Variants in SPTY2D1 observed in about 807,000 individuals in gnomAD.
SPTY2D1 encodes the protein SPT2 chromatin protein domain containing 1.
Under a neutral mutation model 64.0 loss-of-function variants are expected in SPTY2D1, and 21 were observed. That is an observed-to-expected ratio of 0.33 (90% CI 0.23 to 0.47). SPTY2D1 has a LOEUF of 0.47. Among genes scored for constraint, SPTY2D1 ranks in the 20% least tolerant of loss-of-function variants. The pLI is 1.00. For missense variants in SPTY2D1, 724 were observed against 837.2 expected, an observed-to-expected ratio of 0.86 and a Z score of 1.67; for synonymous variants, 287 against 286.8, an observed-to-expected ratio of 1.00 and a Z score of -0.01.
At chr11:18,632,674 C>T (rs1036376949) in intron 1 of SPTY2D1, among the ~76,000 whole-genome samples, 1 of 152,130 alleles carries the variant, frequency 6.6e-6, no homozygotes, top group African/African-American at 2.4e-5. Flanking sequence ...ACTTTTTTCC[C>T]CTTTTTGATT....
intron 1 of SPTY2D1, among the ~76,000 whole-genome samples, chr11:18,628,018 A>T (rs1290507647): frequency 1.3e-5 from 2 of 152,228 alleles, no homozygotes; most frequent in African/African-American, 4.8e-5. Flanking sequence ...ACTGGACTCC[A>T]GCCCAGGCGA....
chr11:18,630,711 G>A (rs1854573982), intron 1 of SPTY2D1, among the ~76,000 whole-genome samples: 1 of 152,234 alleles, frequency 6.6e-6, no homozygotes. Context: ...ATGCAGCCTA[G>A]TTAGTTATTG....
chr11:18,628,624 T>G (rs1290178710), intron 1 of SPTY2D1, among the ~76,000 whole-genome samples: 1 of 152,238 alleles, frequency 6.6e-6, no homozygotes, highest in East Asian at 1.9e-4. Flanking sequence ...GCTGTAGGAT[T>G]ATCTGTCTGC....
In SPTY2D1 at chr11:18,612,324, C is replaced by T. The variant is rs1327586328; in HGVS notation, c.1876G>A (p.Asp626Asn). 2 of 1,588,558 alleles carry T rather than the reference C, an allele frequency of 1.3e-6. No homozygotes were observed. The highest frequency in any genetic ancestry group is 1.7e-6 in the Non-Finnish European group (2 of 1,171,324). Reference sequence around the variant, plus strand: ...CTTCTTTAGTCTTACTTTTTTCGGTCATAACCAAAGATTTCTCTAATGTGC... The same window carrying T: ...CTTCTTTAGTCTTACTTTTTTCGGTTATAACCAAAGATTTCTCTAATGTGC... ...SKHIREIFGY[D>N]RKKYKDESDY... The change falls in exon 4 of 6, where the codon GAC (aspartate) becomes AAC (asparagine). Residue 626 changes from aspartate to asparagine, a missense_variant. Physicochemically the swap from Asp to Asn is conservative, Grantham distance 23. Coordinates refer to ENST00000336349, the MANE Select transcript of SPTY2D1 (RefSeq NM_194285.3). This position sits in a 1 kb window ranked among gnomAD's most constrained non-coding sequence, Gnocchi z 4.6.
At chr11:18,621,690 A>T (rs574684380) in intron 1 of SPTY2D1, among the ~76,000 whole-genome samples, 1 of 152,320 alleles carries the variant, frequency 6.6e-6, no homozygotes, top group South Asian at 2.1e-4. Flanking sequence ...AACAACTTAA[A>T]AAGCTAGCAG....
At chr11:18,610,138 T>C (rs1456806159) in intron 5 of SPTY2D1, 184 bp from the exon 6 acceptor site, 5 of 506,610 alleles carry the variant, frequency 9.9e-6, no homozygotes, top group Admixed American at 7.3e-5. Flanking sequence ...CAGACTCAAA[T>C]TGTCGTGGGA....
chr11:18,617,816 T>C (rs4237722), intron 1 of SPTY2D1, among the ~76,000 whole-genome samples: 99,164 of 149,164 alleles, frequency 0.66, 33,462 homozygotes, highest in Middle Eastern at 0.8. Context: ...GTGGCGCACA[T>C]CCGTAATCCC....
intron 1 of SPTY2D1, among the ~76,000 whole-genome samples, chr11:18,619,390 G>A (rs1590402559): frequency 6.6e-6 from 1 of 151,250 alleles, no homozygotes; most frequent in African/African-American, 2.4e-5. Context: ...AGGCTGAGGC[G>A]GGAGGACAGC....
chr11:18,614,450 C>T, intron 3 of SPTY2D1, 113 bp downstream of exon 3: 1 of 1,029,600 alleles, frequency 9.7e-7, no homozygotes, highest in African/African-American at 1.6e-5. Context: ...ATCAACACTA[C>T]AGCACATTAA....
At chr11:18,622,679 C>T (rs770042693) in intron 1 of SPTY2D1, among the ~76,000 whole-genome samples, 20 of 151,986 alleles carry the variant, frequency 1.3e-4, no homozygotes, top group Admixed American at 9.8e-4. Flanking sequence ...CGGCTGGGCG[C>T]GGTGGCTCAC....
intron 1 of SPTY2D1, among the ~76,000 whole-genome samples, chr11:18,617,944 T>G (rs551614172): frequency 1.3e-5 from 2 of 152,138 alleles, no homozygotes; most frequent in African/African-American, 4.8e-5. Flanking sequence ...TCCGTCTCAA[T>G]CCATCAATCT....
At chr11:18,622,638 T>TG (rs1854431885) in intron 1 of SPTY2D1, among the ~76,000 whole-genome samples, 1 of 152,154 alleles carries the variant, frequency 6.6e-6, no homozygotes, top group Admixed American at 6.6e-5. Context: ...TAGCATGGGA[T>TG]GCCACCACCC....
At chr11:18,629,923 C>A (rs746286144) in intron 1 of SPTY2D1, among the ~76,000 whole-genome samples, 5 of 152,148 alleles carry the variant, frequency 3.3e-5, no homozygotes, top group African/African-American at 1.2e-4. Context: ...GTAATCCCAG[C>A]ACTTTGGGAG....
In SPTY2D1 at chr11:18,615,419, T is replaced by A. The variant is rs1178786812; in HGVS notation, c.855A>T (p.Gly285=). The change falls in exon 3 of 6, where the codon GGA becomes GGT. Residue 285 remains glycine (G), a synonymous_variant. Transcript: ENST00000336349. Reference sequence around the variant, plus strand: ...TGCCAGATCCTGCCTTGATCCTCTCTCCTGGCATGGATTTGGATGAAGACA... The same window carrying A: ...TGCCAGATCCTGCCTTGATCCTCTCACCTGGCATGGATTTGGATGAAGACA... ...LALSSSKSMP[G]ERIKAGSGNS... The A allele has an allele frequency of 6.2e-7, 1 of 1,614,198 alleles. No individual in the cohort carries two copies. The highest frequency in any genetic ancestry group is 1.3e-5 in the African/African-American group (1 of 75,048).
Position 18,610,680 on chromosome 11 carries a change from A to AC in SPTY2D1, c.1965-727_1965-726insG, listed in dbSNP as rs1329197107. On this transcript the variant is annotated intron_variant, in intron 5 of 5. Transcript: ENST00000336349. ...GACCCTGTCTCTTAAAAAAAAAAAA[A>AC]AAAAAAAACAACAATACTATAAACA... 1.3e-4 allele frequency among the ~76,000 whole-genome samples: 19 copies of AC among 150,966 alleles called. No homozygotes were observed. The East Asian group carries it at 3.1e-3, about 25-fold the overall frequency.
At position 18,612,828 on chromosome 11, in the gene SPTY2D1, G is replaced by T. The variant is rs1321911540; in HGVS notation, c.1712-340C>A. Among the ~76,000 whole-genome samples, 1 of 151,018 alleles carries T rather than the reference G, an allele frequency of 6.6e-6. No individual in the cohort carries two copies. The highest frequency in any genetic ancestry group is 2.4e-5 in the African/African-American group (1 of 41,014). On this transcript the variant is annotated intron_variant, in intron 3 of 5. Coordinates refer to ENST00000336349, the MANE Select transcript of SPTY2D1 (RefSeq NM_194285.3). This position sits in a 1 kb window ranked among gnomAD's most constrained non-coding sequence, Gnocchi z 4.6. ...TGCCTAGGCTGGAGTGCAATGGTGCGATCTCGGCTCACTGCAACCTCTGCC... is the reference window on the plus strand; with the variant it reads ...TGCCTAGGCTGGAGTGCAATGGTGCTATCTCGGCTCACTGCAACCTCTGCC...
chr11:18,624,114 T>C (rs530738652), intron 1 of SPTY2D1, among the ~76,000 whole-genome samples: 45 of 150,788 alleles, frequency 3.0e-4, no homozygotes, highest in Middle Eastern at 3.4e-3. Flanking sequence ...GGGGTTGCAA[T>C]AGACCCTGGT....
chr11:18,631,629 CTT>C lies in SPTY2D1; in HGVS notation c.60+2567_60+2568del, dbSNP rs1467843041. Among the ~76,000 whole-genome samples, 64 of 143,888 alleles carry C rather than the reference CTT, an allele frequency of 4.4e-4. 2 individuals are homozygous for C. In the East Asian group the frequency reaches 0.01, roughly 23 times the overall value. 94.4% of individuals were successfully genotyped at this position (143,888 alleles called of 152,430 possible). On this transcript the variant is annotated intron_variant, in intron 1 of 5. Transcript: ENST00000336349. Reference sequence around the variant, plus strand: ...AAAAAAAAAAAAAAACCACCAAACACTTTATTTCTTTTAAAATAGATGGCAAA... The same window carrying C: ...AAAAAAAAAAAAAAACCACCAAACACTATTTCTTTTAAAATAGATGGCAAA...
In SPTY2D1 at chr11:18,627,012, T is replaced by C. The variant is rs188297842; in HGVS notation, c.60+7186A>G. 4.9e-3 allele frequency among the ~76,000 whole-genome samples: 748 copies of C among 152,106 alleles called. 3 individuals carry two copies. Among genetic ancestry groups the C allele is most frequent in the Non-Finnish European group, 7.2e-3 (490 of 67,988 alleles). ...TAAAGGTTGTTCAGCCCTGAGGAGG[T>C]TGACTTTGGAGACAGAGTCTTGGAG... On this transcript the variant is annotated intron_variant, in intron 1 of 5. Transcript: ENST00000336349.
Sources: allele counts gnomAD v4.1 joint callset (sites outside exome capture counted in the v4.1 genomes callset), GRCh38; gene constraint gnomAD v4.1.1; non-coding constraint Gnocchi (gnomAD v3.1); transcripts MANE v1.5; gene names NCBI Gene and HGNC (gene_info 2026-07-23, HGNC 2026-07-21).